TCOF1: variants seen among roughly 807,000 people sequenced by gnomAD.
The protein encoded by TCOF1 is treacle ribosome biogenesis factor 1.
Under a neutral mutation model 149.0 loss-of-function variants are expected in TCOF1, and 33 were observed. The observed-to-expected ratio is 0.22, with a 90% CI of 0.17 to 0.30. The LOEUF (loss-of-function observed/expected upper bound fraction) is 0.30. Ranked by LOEUF, TCOF1 falls within the 10% of genes least tolerant of loss-of-function variation. The probability of loss-of-function intolerance (pLI) is 1.00; values close to 1 mark genes in which losing one functional copy is unlikely to be tolerated. For synonymous variants in TCOF1, 789 were observed against 738.8 expected (o/e 1.07, Z -1.10); for missense variants, 1,728 against 1,840.7 (o/e 0.94, Z 1.12).
rs1466198828 is a variant in TCOF1 at position 150,375,852 on chromosome 5, G to C, written c.1836G>C (p.Glu612Asp). ...CCATGGACAACTCGGAGAGCAGCGA[G>C]GAGTCATCGGACAGTGCGGACAGTG... ...EKPMDNSESSEESSDSADSEE... is the reference protein window; with the variant it reads ...EKPMDNSESSDESSDSADSEE... Residue 612 changes from glutamate to aspartate, a missense_variant, in exon 12 of 27, where the codon GAG (glutamate) becomes GAC (aspartate). Around this residue, in one of 2 missense-constraint regions of TCOF1, gnomAD observed 1,696 missense variants for 1,765.4 expected, o/e 0.96. Transcript: ENST00000643257. 1 of 1,614,084 alleles carries C rather than the reference G, an allele frequency of 6.2e-7. No individual in the cohort carries two copies. Among genetic ancestry groups the C allele is most frequent in the Non-Finnish European group, 8.5e-7 (1 of 1,180,048 alleles).
chr5:150,360,153 C>CA (rs1562271541), intron 1 of TCOF1, among the ~76,000 whole-genome samples: 1 of 152,208 alleles, frequency 6.6e-6, no homozygotes, highest in East Asian at 1.9e-4. Context: ...AACCAGATAG[C>CA]AGCCTGCAAG....
chr5:150,389,007 A>G (rs1350511157), intron 18 of TCOF1, among the ~76,000 whole-genome samples: 1 of 150,498 alleles, frequency 6.6e-6, no homozygotes, highest in East Asian at 2.0e-4. Flanking sequence ...TTAGAAGGCC[A>G]AGGTAGGAAG....
At chr5:150,375,313 C>A in intron 10 of TCOF1, 26 bp from the exon 11 acceptor site, 1 of 1,608,648 alleles carries the variant, frequency 6.2e-7, no homozygotes, top group East Asian at 2.2e-5. Context: ...GACTCCCTCC[C>A]TAATCTTGTC....
At chr5:150,387,472 G>A (rs1249982827) in intron 17 of TCOF1, among the ~76,000 whole-genome samples, 4 of 152,204 alleles carry the variant, frequency 2.6e-5, no homozygotes, top group African/African-American at 9.7e-5. Context: ...CAACCAGGCA[G>A]CCTTGGAAAA....
At chr5:150,390,221 C>G (rs1008071340) in intron 19 of TCOF1, among the ~76,000 whole-genome samples, 198 bp downstream of exon 19, 6 of 152,238 alleles carry the variant, frequency 3.9e-5, no homozygotes, top group African/African-American at 1.4e-4. Flanking sequence ...GAAGAGTAAT[C>G]TGGGGACACA....
intron 2 of TCOF1, among the ~76,000 whole-genome samples, chr5:150,362,046 A>G (rs1234395742): frequency 6.6e-6 from 1 of 152,184 alleles, no homozygotes; most frequent in Non-Finnish European, 1.5e-5. Flanking sequence ...CACAGGGAGA[A>G]CAGGGTAGAA....
At chr5:150,378,854 G>A in intron 14 of TCOF1, 51 bp from the exon 15 acceptor site, 1 of 1,613,424 alleles carries the variant, frequency 6.2e-7, no homozygotes, top group Non-Finnish European at 8.5e-7. Context: ...TTGGCTAGCT[G>A]CTTTACTCAA....
At position 150,384,652 on chromosome 5, in the gene TCOF1, A is replaced by G. The variant is rs1329108148; in HGVS notation, c.2860-3250A>G. 19 of 981,154 alleles carry G rather than the reference A, an allele frequency of 1.9e-5. No individual in the cohort carries two copies. The Admixed American group carries it at 1.1e-3, about 59-fold the overall frequency. 60.8% of individuals were successfully genotyped at this position (981,154 alleles called of 1,614,324 possible). A position where few individuals can be genotyped will look rare whatever the true frequency, so the allele number is the denominator to read the frequency against. On this transcript the variant is annotated intron_variant, in intron 17 of 26. Coordinates refer to ENST00000643257, the MANE Select transcript of TCOF1 (RefSeq NM_001371623.1). ...GCTTAAACTGAACCATTTAATTGGT[A>G]TGTTAGTCCTGAAGATTCTGGAGTC...
chr5:150,357,887 G>T (rs756322726), intron 1 of TCOF1, 33 bp downstream of exon 1: 4 of 1,542,990 alleles, frequency 2.6e-6, no homozygotes, highest in South Asian at 1.2e-5. Flanking sequence ...CGAGGGCCGC[G>T]TGCAAGATGT....
Position 150,378,406 on chromosome 5 carries a change from C to T in TCOF1, c.2341-499C>T, listed in dbSNP as rs117411576. 5.3e-4 allele frequency among the ~76,000 whole-genome samples: 80 copies of T among 152,256 alleles called. No individual in the cohort carries two copies. In the East Asian group the frequency reaches 0.011, roughly 21 times the overall value. On this transcript the variant is annotated intron_variant, in intron 14 of 26. Transcript: ENST00000643257. ...TTAAGCTGAAGAAAACCTTAAACAA[C>T]AAGTATCTTGTTCTGCCGTGGCTGC...
intron 17 of TCOF1, chr5:150,383,237 G>C: frequency 7.2e-7 from 1 of 1,393,682 alleles, no homozygotes; most frequent in South Asian, 1.3e-5. Flanking sequence ...CCTTGCAGGA[G>C]AGGGCAGATC....
Position 150,389,903 on chromosome 5 carries a change from G to C in TCOF1, c.3063G>C (p.Val1021=). 1.2e-6 allele frequency: 2 copies of C among 1,614,202 alleles called. No individual in the cohort carries two copies. The highest frequency in any genetic ancestry group is 1.7e-6 in the Non-Finnish European group (2 of 1,180,034). The change falls in exon 19 of 27, where the codon GTG becomes GTC. Residue 1021 remains valine (V), a synonymous_variant. Transcript: ENST00000643257. ...QCLTPGIRTN[V]VTMPTAHPRI... is the part of the protein sequence containing the mutation. ...CCATTTCAGGCATCAGAACCAATGT[G>C]GTGACCATGCCCACTGCCCACCCAA...
intron 26 of TCOF1, 33 bp downstream of exon 26, chr5:150,399,103 G>T (rs1375041539): frequency 3.1e-6 from 5 of 1,613,838 alleles, no homozygotes; most frequent in Non-Finnish European, 4.2e-6. Context: ...AGCATTCAGG[G>T]TGGGAGGACA....
chr5:150,358,370 A>C (rs879882042), intron 1 of TCOF1, among the ~76,000 whole-genome samples: 1 of 152,150 alleles, frequency 6.6e-6, no homozygotes, highest in Non-Finnish European at 1.5e-5. Flanking sequence ...CTCGTGGTAC[A>C]GTCATTTCTT....
At chr5:150,393,747 CTCATG>C in intron 23 of TCOF1, 195 bp downstream of exon 23, 1 of 723,698 alleles carries the variant, frequency 1.4e-6, no homozygotes, top group Non-Finnish European at 2.3e-6. Context: ...GGTGCAGTGG[CTCATG>C]CCCATAATCC....
chr5:150,389,283 G>A (rs1766921883), intron 18 of TCOF1, among the ~76,000 whole-genome samples: 2 of 152,134 alleles, frequency 1.3e-5, no homozygotes, highest in Non-Finnish European at 2.9e-5. Context: ...TTTAAAGCAA[G>A]ACCATACTGT....
rs749129990 is a variant in TCOF1, at chr5:150,379,215, C to G, written c.2479-14C>G. 6.2e-7 allele frequency: 1 copy of G among 1,614,192 alleles called. No homozygotes were observed. The highest frequency in any genetic ancestry group is 8.5e-7 in the Non-Finnish European group (1 of 1,180,034). ...CACTTTTGCCTCCAATACTATTATC[C>G]CCCTGCAATTCAGGTGAAGCCACCA... On this transcript the variant is annotated splice_polypyrimidine_tract_variant and intron_variant, in intron 15 of 26. Coordinates refer to ENST00000643257, the MANE Select transcript of TCOF1 (RefSeq NM_001371623.1).
intron 22 of TCOF1, 59 bp from the exon 23 acceptor site, chr5:150,393,313 G>A: frequency 6.2e-7 from 1 of 1,606,864 alleles, no homozygotes; most frequent in South Asian, 1.1e-5. Context: ...CATGACTCGG[G>A]CTGGGTTATG....
chr5:150,392,937 C>T (rs1375582472), intron 22 of TCOF1, 147 bp downstream of exon 22: 17 of 968,704 alleles, frequency 1.8e-5, no homozygotes, highest in South Asian at 1.1e-4. Flanking sequence ...CAAGGCACCA[C>T]GTGTGGCCCA....
Sources: gnomAD v4.1 joint callset for allele counts (sites outside exome capture counted in the v4.1 genomes callset) on GRCh38, gnomAD v4.1.1 for gene constraint, gnomAD v4.1.1 regional missense constraint, MANE v1.5 for transcripts, NCBI Gene and HGNC (gene_info 2026-07-23, HGNC 2026-07-21) for gene names.